Variants in DISP1 observed in about 807,000 individuals in gnomAD.
DISP1 encodes protein dispatched homolog 1.
A neutral mutation model predicts 37.3 loss-of-function variants in DISP1; 30 were observed. The observed-to-expected ratio is 0.80, with a 90% CI of 0.60 to 1.09. The LOEUF (loss-of-function observed/expected upper bound fraction) is 1.09, where lower values mean the gene tolerates loss of function less well. Ranked by LOEUF, DISP1 falls within the 50% of genes least tolerant of loss-of-function variation. The pLI, the probability that DISP1 is intolerant of heterozygous loss-of-function variation, is 0.00. For synonymous variants in DISP1, 634 were observed against 690.2 expected (o/e 0.92, Z 1.28); for missense variants, 1,598 against 1,879.5 (o/e 0.85, Z 2.77).
At chr1:222,837,334 C>T (rs1667290438) in intron 1 of DISP1, 2 of 362,214 alleles carry the variant, frequency 5.5e-6, no homozygotes, top group Non-Finnish European at 9.8e-6. Context: ...AGGTTATCCA[C>T]TTACTTTTGT....
intron 3 of DISP1, among the ~76,000 whole-genome samples, chr1:222,961,822 A>G (rs1039303995): frequency 5.3e-5 from 8 of 152,188 alleles, no homozygotes; most frequent in African/African-American, 1.2e-4. Context: ...CCTGGCCAAC[A>G]TGGTGAAACC....
At chr1:222,878,925 AT>A (rs1265117698) in intron 1 of DISP1, among the ~76,000 whole-genome samples, 1 of 152,174 alleles carries the variant, frequency 6.6e-6, no homozygotes, top group East Asian at 1.9e-4. Flanking sequence ...TAACAATTTT[AT>A]GTGTAAGGAG....
intron 3 of DISP1, among the ~76,000 whole-genome samples, chr1:222,979,406 C>CA (rs201634416): frequency 0.011 from 1,664 of 146,082 alleles, 35 homozygotes; most frequent in African/African-American, 0.04. Context: ...GACCTTGTCT[C>CA]AAAAAAAAAA....
In DISP1 at chr1:222,860,702, T is replaced by C. The variant is rs548819277; in HGVS notation, c.-159+45624T>C. On this transcript the variant is annotated intron_variant, in intron 1 of 8. Transcript: ENST00000675850. ...GAGTTTGAGACCAGCCTGGCCAATA[T>C]GGTGAAACCCCATCTCTACTAAAAA... Among the ~76,000 whole-genome samples the C allele has an allele frequency of 1.4e-4, 21 of 151,970 alleles. No individual in the cohort carries two copies. In the East Asian group the frequency reaches 4.1e-3, roughly 30 times the overall value.
intron 2 of DISP1, among the ~76,000 whole-genome samples, chr1:222,937,007 AATATTAT>A (rs1258674258): frequency 1.3e-4 from 15 of 115,706 alleles, no homozygotes; most frequent in East Asian, 4.4e-4. Flanking sequence ...TATAATATAG[AATATTAT>A]ATATTATATA....
chr1:222,838,459 T>A (rs1261943649), intron 1 of DISP1, among the ~76,000 whole-genome samples: 3 of 152,232 alleles, frequency 2.0e-5, no homozygotes, highest in African/African-American at 7.2e-5. Context: ...ATATATTTTT[T>A]AATTTACTGC....
At chr1:222,970,109 C>T (rs375306009) in intron 3 of DISP1, among the ~76,000 whole-genome samples, 5 of 152,258 alleles carry the variant, frequency 3.3e-5, no homozygotes, top group South Asian at 4.1e-4. Context: ...AGCACTCTTT[C>T]GTATTTGCTC....
intron 1 of DISP1, among the ~76,000 whole-genome samples, chr1:222,830,597 G>T (rs1359700249): frequency 6.6e-6 from 1 of 152,060 alleles, no homozygotes; most frequent in Non-Finnish European, 1.5e-5. Flanking sequence ...GGTCAGGCTG[G>T]TCTCGAACTC....
chr1:222,879,447 CATGTGATGTT>C (rs1233577118), intron 1 of DISP1, among the ~76,000 whole-genome samples: 1 of 151,826 alleles, frequency 6.6e-6, no homozygotes, highest in Non-Finnish European at 1.5e-5. Flanking sequence ...TTAGTAACTT[CATGTGATGTT>C]ATGTGATGTC....
At chr1:222,929,410 G>A (rs1161951912) in intron 2 of DISP1, among the ~76,000 whole-genome samples, 1 of 152,050 alleles carries the variant, frequency 6.6e-6, no homozygotes, top group Admixed American at 6.6e-5. Flanking sequence ...TGAAAACTGA[G>A]ATATTTCATG....
chr1:223,002,179 G>A (rs1186296771), intron 8 of DISP1, among the ~76,000 whole-genome samples: 2 of 152,132 alleles, frequency 1.3e-5, no homozygotes, highest in Admixed American at 6.5e-5. Flanking sequence ...TCAGAATAAA[G>A]TAACCTAAAG....
At chr1:222,937,651 C>T (rs1674053367) in intron 2 of DISP1, among the ~76,000 whole-genome samples, 1 of 152,020 alleles carries the variant, frequency 6.6e-6, no homozygotes, top group Non-Finnish European at 1.5e-5. Context: ...AAAATGCTGG[C>T]TAAAAATGTA....
chr1:223,005,590 G>T lies in DISP1; in HGVS notation c.4193G>T (p.Ser1398Ile). ...GAGCCATCGTCATTTGTCTGCAGAA[G>T]CACTGGATCGTTACTCAAAACGTGT... ...MAEPSSFVCRSTGSLLKTCCD... is the reference protein window; with the variant it reads ...MAEPSSFVCRITGSLLKTCCD... Residue 1398 changes from serine to isoleucine, a missense_variant, in exon 9 of 9, where the codon AGC becomes ATC. Coordinates refer to ENST00000675850, the MANE Select transcript of DISP1 (RefSeq NM_001377229.1). 1 of 1,614,094 alleles carries T rather than the reference G, an allele frequency of 6.2e-7. No individual in the cohort carries two copies. Among genetic ancestry groups the T allele is most frequent in the Non-Finnish European group, 8.5e-7 (1 of 1,180,028 alleles).
chr1:222,884,347 G>A (rs996777123), intron 1 of DISP1, among the ~76,000 whole-genome samples: 1 of 152,006 alleles, frequency 6.6e-6, no homozygotes, highest in Non-Finnish European at 1.5e-5. Context: ...AATTTTGCCA[G>A]TTTTTTCACT....
Position 223,005,607 on chromosome 1 carries a change from A to AAAACGTGTTG in DISP1, c.4211_4220dup (p.Cys1407Ter). ...CTGCAGAAGCACTGGATCGTTACTC[A>AAAACGTGTTG]AAACGTGTTGCGACCCCGAGAATAA... is the stretch of plus-strand genomic sequence containing the variant. On this transcript the variant is annotated stop_gained and frameshift_variant, in exon 9 of 9. Transcript: ENST00000675850. LOFTEE classifies it low-confidence loss of function (END_TRUNC). 6.2e-7 allele frequency: 1 copy of AAAACGTGTTG among 1,613,870 alleles called. No homozygotes were observed. Among genetic ancestry groups the AAAACGTGTTG allele is most frequent in the Non-Finnish European group, 8.5e-7 (1 of 1,179,974 alleles).
intron 1 of DISP1, among the ~76,000 whole-genome samples, chr1:222,897,330 C>A (rs1184973456): frequency 1.3e-5 from 2 of 152,096 alleles, no homozygotes; most frequent in Non-Finnish European, 2.9e-5. Context: ...GGGTGATTAA[C>A]TACAGAGGGT....
chr1:223,003,382 ATC>A lies in DISP1; in HGVS notation c.1987_1988del (p.Leu663SerfsTer2). On this transcript the variant is annotated frameshift_variant, in exon 9 of 9. Coordinates refer to ENST00000675850, the MANE Select transcript of DISP1 (RefSeq NM_001377229.1). LOFTEE classifies it low-confidence loss of function (END_TRUNC). This position sits in a 1 kb window ranked among gnomAD's most constrained non-coding sequence, Gnocchi z 4.3. The stretch of plus-strand genomic sequence containing the variant: ...GCAGTTGTTGTGCTGCATGAGCGGT[ATC>A]TTCTTAATATATTCACTTGCTTCAA... 6.2e-7 allele frequency: 1 copy of A among 1,614,160 alleles called. No individual in the cohort carries two copies. Among genetic ancestry groups the A allele is most frequent in the Non-Finnish European group, 8.5e-7 (1 of 1,180,054 alleles).
intron 1 of DISP1, among the ~76,000 whole-genome samples, chr1:222,923,785 CT>C (rs1672938092): frequency 1.3e-5 from 2 of 151,940 alleles, no homozygotes; most frequent in African/African-American, 4.8e-5. Flanking sequence ...TGTCTGGTGA[CT>C]TTTTTCGGTA....
chr1:223,005,479 A>G lies in DISP1; in HGVS notation c.4082A>G (p.Gln1361Arg). 6.2e-7 allele frequency: 1 copy of G among 1,613,970 alleles called. No homozygotes were observed. Among genetic ancestry groups the G allele is most frequent in the Non-Finnish European group, 8.5e-7 (1 of 1,180,038 alleles). Residue 1361 changes from glutamine to arginine, a missense_variant, in exon 9 of 9, where the codon CAG (glutamine) becomes CGG (arginine). Coordinates refer to ENST00000675850, the MANE Select transcript of DISP1 (RefSeq NM_001377229.1). ...LPRNFFLHPV[Q>R]HIQAQEKIGK... ...AGGAATTTTTTCCTCCACCCAGTGC[A>G]GCACATTCAGGCCCAAGAAAAAATT...
Sources: allele counts gnomAD v4.1 joint callset (sites outside exome capture counted in the v4.1 genomes callset), GRCh38; gene constraint gnomAD v4.1.1; non-coding constraint Gnocchi (gnomAD v3.1); transcripts MANE v1.5; gene names NCBI Gene and HGNC (gene_info 2026-07-23, HGNC 2026-07-21).